Variants in ARID5B observed in about 807,000 individuals in gnomAD.
ARID5B encodes AT-rich interaction domain 5B, also known as AT-rich interactive domain-containing protein 5B.
ARID5B carries 13 observed loss-of-function variants against 97.2 expected under a neutral mutation model. The ratio of observed to expected loss-of-function variants is 0.13; its 90% CI spans 0.09 to 0.21. The LOEUF is 0.21. ARID5B is among the 10% of genes least tolerant of loss of function. The pLI, the probability that ARID5B is intolerant of heterozygous loss-of-function variation, is 1.00. For synonymous variants in ARID5B, 556 were observed against 570.3 expected (o/e 0.97, Z 0.36); for missense variants, 1,210 against 1,465.3 (o/e 0.83, Z 2.84).
At chr10:61,983,503 G>C (rs1309601190) in intron 3 of ARID5B, among the ~76,000 whole-genome samples, 1 of 152,172 alleles carries the variant, frequency 6.6e-6, no homozygotes, top group Non-Finnish European at 1.5e-5. Flanking sequence ...CTGTTAAATT[G>C]TGCTTCGCAA....
At chr10:62,061,752 G>C (rs1839924129) in intron 7 of ARID5B, among the ~76,000 whole-genome samples, 1 of 152,166 alleles carries the variant, frequency 6.6e-6, no homozygotes, top group Non-Finnish European at 1.5e-5. Flanking sequence ...GATAAGGGGA[G>C]GGCAGAGAAC....
chr10:62,060,593 TG>T (rs1052151176), intron 7 of ARID5B, among the ~76,000 whole-genome samples: 5 of 152,182 alleles, frequency 3.3e-5, no homozygotes, highest in African/African-American at 9.7e-5. Flanking sequence ...TCCTTGCCAC[TG>T]TAGCTCATAG....
At chr10:62,071,418 G>A (rs1403645391) in intron 8 of ARID5B, among the ~76,000 whole-genome samples, 1 of 152,076 alleles carries the variant, frequency 6.6e-6, no homozygotes, top group African/African-American at 2.4e-5. Context: ...ATATGCAAAT[G>A]CCCTCAACAC....
At chr10:62,002,121 C>T (rs563643956) in intron 4 of ARID5B, among the ~76,000 whole-genome samples, 18 of 152,078 alleles carry the variant, frequency 1.2e-4, no homozygotes, top group Non-Finnish European at 1.6e-4. Flanking sequence ...AGTTTCACAA[C>T]GTAATATGAG....
chr10:62,044,006 A>C (rs1472247179), intron 4 of ARID5B, among the ~76,000 whole-genome samples: 1 of 152,086 alleles, frequency 6.6e-6, no homozygotes, highest in African/African-American at 2.4e-5. Flanking sequence ...AAAGAGGCAA[A>C]GTGACGACCT....
intron 3 of ARID5B, among the ~76,000 whole-genome samples, chr10:61,970,807 G>T (rs1455712235): frequency 6.6e-6 from 1 of 152,198 alleles, no homozygotes; most frequent in East Asian, 1.9e-4. Flanking sequence ...ACAATAGCTT[G>T]ATCCCAAGAT....
intron 3 of ARID5B, among the ~76,000 whole-genome samples, chr10:61,950,638 C>A (rs1001528008): frequency 6.6e-6 from 1 of 152,182 alleles, no homozygotes; most frequent in African/African-American, 2.4e-5. Context: ...CCACTACACT[C>A]CAGCCTGGGC....
intron 3 of ARID5B, among the ~76,000 whole-genome samples, chr10:61,951,031 A>T (rs1345759812): frequency 3.9e-5 from 6 of 152,228 alleles, no homozygotes; most frequent in Non-Finnish European, 4.4e-5. Context: ...TTAATCTGTT[A>T]GAGTACTTTT....
intron 3 of ARID5B, among the ~76,000 whole-genome samples, chr10:61,998,256 G>A (rs1472768337): frequency 6.6e-6 from 1 of 152,162 alleles, no homozygotes; most frequent in African/African-American, 2.4e-5. Context: ...ATTATGTTCC[G>A]TCCTTGCTCA....
chr10:61,967,774 C>A (rs1749167967), intron 3 of ARID5B, among the ~76,000 whole-genome samples: 1 of 152,056 alleles, frequency 6.6e-6, no homozygotes, highest in Non-Finnish European at 1.5e-5. Flanking sequence ...TATGTGTGTG[C>A]CATTTACAAC....
At chr10:62,042,901 C>T (rs1285120622) in intron 4 of ARID5B, among the ~76,000 whole-genome samples, 14 of 117,380 alleles carry the variant, frequency 1.2e-4, no homozygotes, top group African/African-American at 3.7e-4. Flanking sequence ...GGTGAAAGAG[C>T]GAGAGTCTGT....
intron 3 of ARID5B, among the ~76,000 whole-genome samples, chr10:61,993,555 A>G (rs187258690): frequency 1.9e-4 from 29 of 152,302 alleles, no homozygotes; most frequent in Non-Finnish European, 3.5e-4. Flanking sequence ...CAATGTTGGT[A>G]ATGATAGTAA....
Position 62,054,236 on chromosome 10 carries a change from G to C in ARID5B, c.847-2881G>C, listed in dbSNP as rs988799309. Among the ~76,000 whole-genome samples, 21 of 152,126 alleles carry C rather than the reference G, an allele frequency of 1.4e-4. 3 individuals carry two copies. Among genetic ancestry groups the C allele is most frequent in the Admixed American group, 1.2e-3 (18 of 15,284 alleles). Reference sequence around the variant, plus strand: ...CTGGGCTTTCTTAGGTCAACATGAAGACTAGCTCCCATTTCCACTACCACC... The same window carrying C: ...CTGGGCTTTCTTAGGTCAACATGAACACTAGCTCCCATTTCCACTACCACC... On this transcript the variant is annotated intron_variant, in intron 5 of 9. Transcript: ENST00000279873.
At chr10:61,924,493 A>G (rs1844068979) in intron 2 of ARID5B, among the ~76,000 whole-genome samples, 1 of 152,370 alleles carries the variant, frequency 6.6e-6, no homozygotes, top group East Asian at 1.9e-4. Context: ...CCAATATAGG[A>G]TAATTACATT....
chr10:61,983,975 C>T lies in ARID5B; in HGVS notation c.503-16116C>T, dbSNP rs1447281273. On this transcript the variant is annotated intron_variant, in intron 3 of 9. Transcript: ENST00000279873. ...CAATCTCGGCTCACTGCAAGCTCCG[C>T]TTCCCGGGTTCACGCCATTCTCCTG... Among the ~76,000 whole-genome samples, 19 of 24,008 alleles carry T rather than the reference C, an allele frequency of 7.9e-4. 4 individuals are homozygous for T. Among genetic ancestry groups the T allele is most frequent in the African/African-American group, 2.4e-3 (19 of 7,966 alleles). 15.8% of individuals were successfully genotyped at this position (24,008 alleles called of 152,430 possible).
intron 8 of ARID5B, among the ~76,000 whole-genome samples, chr10:62,070,977 A>G (rs1840055658): frequency 6.6e-6 from 1 of 151,682 alleles, no homozygotes; most frequent in African/African-American, 2.4e-5. Context: ...AATAATGTCT[A>G]AGGAACCACA....
chr10:61,952,558 C>T (rs949176920), intron 3 of ARID5B, among the ~76,000 whole-genome samples: 3 of 152,150 alleles, frequency 2.0e-5, no homozygotes, highest in East Asian at 1.9e-4. Flanking sequence ...TCAGACTTTC[C>T]TGAAATCTCT....
At chr10:62,027,661 G>A (rs994398687) in intron 4 of ARID5B, among the ~76,000 whole-genome samples, 7 of 151,812 alleles carry the variant, frequency 4.6e-5, no homozygotes, top group East Asian at 1.9e-4. Flanking sequence ...TTGTACAGCC[G>A]GGCAGTATGC....
At chr10:62,006,257 T>C (rs1422166033) in intron 4 of ARID5B, among the ~76,000 whole-genome samples, 1 of 152,030 alleles carries the variant, frequency 6.6e-6, no homozygotes, top group South Asian at 2.1e-4. Flanking sequence ...GCCTGGCCAA[T>C]GTGGTGAAAC....
Sources: gnomAD v4.1 joint callset for allele counts (sites outside exome capture counted in the v4.1 genomes callset) on GRCh38, gnomAD v4.1.1 for gene constraint, MANE v1.5 for transcripts, NCBI Gene and HGNC (gene_info 2026-07-23, HGNC 2026-07-21) for gene names.